The following CBFA2T3 variants were observed in gnomAD, a reference collection of about 807,000 sequenced individuals.
The protein encoded by CBFA2T3 is transcriptional corepressor CBFA2T3.
Under a neutral mutation model 58.6 loss-of-function variants are expected in CBFA2T3, and 31 were observed. That is an observed-to-expected ratio of 0.53 (90% CI 0.40 to 0.71). The LOEUF is 0.71. CBFA2T3 is among the 30% of genes least tolerant of loss of function. The pLI is 0.00. For missense variants in CBFA2T3, 1,076 were observed against 963.1 expected (o/e 1.12, Z -1.55); for synonymous variants, 531 against 421.9 (o/e 1.26, Z -3.17).
At chr16:88,963,492 C>A (rs1452409724) in intron 1 of CBFA2T3, among the ~76,000 whole-genome samples, 2 of 152,162 alleles carry the variant, frequency 1.3e-5, no homozygotes, top group Non-Finnish European at 2.9e-5. Context: ...AACTCCAGAG[C>A]ACATCATCAA....
At chr16:88,898,690 A>G (rs1969986425) in intron 2 of CBFA2T3, among the ~76,000 whole-genome samples, 1 of 152,192 alleles carries the variant, frequency 6.6e-6, no homozygotes. Flanking sequence ...CTCTGAAACA[A>G]AGCCCTGGGT....
At chr16:88,900,175 G>A (rs1970043896) in intron 2 of CBFA2T3, among the ~76,000 whole-genome samples, 1 of 152,276 alleles carries the variant, frequency 6.6e-6, no homozygotes, top group South Asian at 2.1e-4. Flanking sequence ...GCGGGTGCAG[G>A]GAGTAGCCGT....
intron 3 of CBFA2T3, among the ~76,000 whole-genome samples, chr16:88,894,133 C>T (rs966530086): frequency 6.7e-6 from 1 of 148,372 alleles, no homozygotes; most frequent in African/African-American, 2.6e-5. Flanking sequence ...CTCCACTCAC[C>T]CCCCACCACC....
chr16:88,941,559 G>A (rs1597768430), intron 1 of CBFA2T3, among the ~76,000 whole-genome samples: 2 of 148,450 alleles, frequency 1.3e-5, no homozygotes, highest in East Asian at 2.0e-4. Context: ...GGGGGCCGGG[G>A]CTGTGCGGAG....
At chr16:88,911,878 C>A (rs1184048650) in intron 1 of CBFA2T3, among the ~76,000 whole-genome samples, 1 of 151,084 alleles carries the variant, frequency 6.6e-6, no homozygotes, top group African/African-American at 2.5e-5. Flanking sequence ...CAGTGAAGAC[C>A]CCCCCTCCTG....
rs1049067793 is a variant in CBFA2T3, at chr16:88,885,754, ATC to A, written c.893+205_893+206del. The A allele has an allele frequency of 2.6e-5, 15 of 573,820 alleles. No individual in the cohort carries two copies. Among genetic ancestry groups the A allele is most frequent in the African/African-American group, 2.3e-4 (12 of 52,480 alleles). 35.5% of individuals were successfully genotyped at this position (573,820 alleles called of 1,614,324 possible). A position where few individuals can be genotyped will look rare whatever the true frequency, so the allele number is the denominator to read the frequency against. On this transcript the variant is annotated intron_variant, in intron 6 of 11. Coordinates refer to ENST00000268679, the MANE Select transcript of CBFA2T3 (RefSeq NM_005187.6). This position sits in a 1 kb window ranked among gnomAD's most constrained non-coding sequence, Gnocchi z 5.3. ...CCTGTCCTCCTAGGCTCCCCGGAGC[ATC>A]TGAGTCTGCAGCCCACTGGGGTGTC...
At chr16:88,913,190 G>C (rs1970584339) in intron 1 of CBFA2T3, among the ~76,000 whole-genome samples, 1 of 152,214 alleles carries the variant, frequency 6.6e-6, no homozygotes, top group Admixed American at 6.5e-5. Flanking sequence ...TCAGCGGCGG[G>C]CAGCCCCACT....
chr16:88,895,510 C>T (rs997537488), intron 3 of CBFA2T3, among the ~76,000 whole-genome samples: 1 of 152,204 alleles, frequency 6.6e-6, no homozygotes, highest in African/African-American at 2.4e-5. Flanking sequence ...CCGGCTCCCC[C>T]AGATTGCCTC....
chr16:88,910,210 C>T (rs1027315163), intron 1 of CBFA2T3, among the ~76,000 whole-genome samples: 2 of 152,248 alleles, frequency 1.3e-5, no homozygotes, highest in Non-Finnish European at 2.9e-5. Flanking sequence ...CACCAGGTCC[C>T]CGCAAGTCTG....
chr16:88,895,717 G>A (rs1256106993), intron 3 of CBFA2T3, among the ~76,000 whole-genome samples: 2 of 152,198 alleles, frequency 1.3e-5, no homozygotes, highest in South Asian at 2.1e-4. Flanking sequence ...CAGGGGCTGT[G>A]GGAGGCCAGG....
intron 1 of CBFA2T3, among the ~76,000 whole-genome samples, chr16:88,955,977 CCCAAGGCTCCTGACCCCAG>C: frequency 1.4e-5 from 2 of 147,256 alleles, no homozygotes; most frequent in Non-Finnish European, 3.0e-5. Context: ...CCTGACCCCG[CCCAAGGCTCCTGACCCCAG>C]CCAAGGCTCC....
intron 1 of CBFA2T3, among the ~76,000 whole-genome samples, chr16:88,921,744 A>G (rs73254278): frequency 0.05 from 7,661 of 152,308 alleles, 455 homozygotes; most frequent in African/African-American, 0.14. Context: ...TGAGCCGTAC[A>G]TCCGCGGTGC....
Position 88,908,210 on chromosome 16 carries a change from T to C in CBFA2T3, c.152-6554A>G, listed in dbSNP as rs573973674. ...TGCAAAAATTAGCCGAGCGTAGTGG[T>C]GCGTGCCTATAATCCCAGCTACTTA... On this transcript the variant is annotated intron_variant, in intron 1 of 11. Transcript: ENST00000268679. 4.6e-5 allele frequency among the ~76,000 whole-genome samples: 7 copies of C among 152,138 alleles called. No individual in the cohort carries two copies. The East Asian group carries it at 1.4e-3, about 29-fold the overall frequency.
At chr16:88,937,838 C>A (rs1171253688) in intron 1 of CBFA2T3, 1 of 152,214 alleles carries the variant, frequency 6.6e-6, no homozygotes, top group Non-Finnish European at 1.5e-5. Context: ...GCAAAGCCAC[C>A]CTCCGGCATT....
chr16:88,898,235 T>C (rs1969962942), intron 2 of CBFA2T3, 83 bp from the exon 3 acceptor site: 2 of 1,042,032 alleles, frequency 1.9e-6, no homozygotes, highest in Non-Finnish European at 1.5e-6. Context: ...CGGCCACCTT[T>C]TCCTACTTCT....
chr16:88,929,748 A>G (rs991554845), intron 1 of CBFA2T3, among the ~76,000 whole-genome samples: 31 of 151,312 alleles, frequency 2.0e-4, no homozygotes, highest in Non-Finnish European at 4.4e-5. Context: ...CGCAAAAGCT[A>G]CCAATACCCA....
chr16:88,920,067 T>C (rs936674450), intron 1 of CBFA2T3, among the ~76,000 whole-genome samples: 2 of 152,242 alleles, frequency 1.3e-5, no homozygotes, highest in African/African-American at 4.8e-5. Context: ...TGGGCGTTCC[T>C]GCCTCCCTCC....
chr16:88,895,394 T>C (rs1031818917), intron 3 of CBFA2T3, among the ~76,000 whole-genome samples: 3 of 152,266 alleles, frequency 2.0e-5, no homozygotes, highest in Middle Eastern at 3.4e-3. Context: ...GAAGCTGTGC[T>C]GTGGCCCGGG....
In CBFA2T3 at chr16:88,885,036, G is replaced by C. The variant is rs77867180; in HGVS notation, c.1117+10C>G. The C allele has an allele frequency of 1.3e-3, 2,094 of 1,588,604 alleles. 27 individuals are homozygous for C. In the African/African-American group the frequency reaches 0.025, roughly 19 times the overall value. On this transcript the variant is annotated intron_variant, in intron 7 of 11. Transcript: ENST00000268679. This position sits in a 1 kb window ranked among gnomAD's most constrained non-coding sequence, Gnocchi z 5.3. Reference sequence around the variant, plus strand: ...ACGCGTCCACGCTCCCGCCCCACCGGGCTGCTCACCAAGCGGCCGATGGCG... The same window carrying C: ...ACGCGTCCACGCTCCCGCCCCACCGCGCTGCTCACCAAGCGGCCGATGGCG...
Sources: gnomAD v4.1 joint callset for allele counts (sites outside exome capture counted in the v4.1 genomes callset) on GRCh38, gnomAD v4.1.1 for gene constraint, Gnocchi (gnomAD v3.1) non-coding constraint, MANE v1.5 for transcripts, NCBI Gene and HGNC (gene_info 2026-07-23, HGNC 2026-07-21) for gene names.